The following HDAC11 variants were observed in gnomAD, a reference collection of about 807,000 sequenced individuals.
The protein encoded by HDAC11 is histone deacetylase 11.
A neutral mutation model predicts 41.1 loss-of-function variants in HDAC11; 23 were observed. That is an observed-to-expected ratio of 0.56 (90% CI 0.40 to 0.79). The LOEUF (loss-of-function observed/expected upper bound fraction) is 0.79. HDAC11 is among the 30% of genes least tolerant of loss of function. The probability of loss-of-function intolerance (pLI) is 0.00; values close to 1 mark genes in which losing one functional copy is unlikely to be tolerated. For synonymous variants in HDAC11, 187 were observed against 186.6 expected, an observed-to-expected ratio of 1.00 and a Z score of -0.02; for missense variants, 402 against 477.3, an observed-to-expected ratio of 0.84 and a Z score of 1.47.
chr3:13,504,877 T>A lies in HDAC11; in HGVS notation c.*194T>A. On this transcript the variant is annotated 3_prime_UTR_variant, in exon 10 of 10. Coordinates refer to ENST00000295757, the MANE Select transcript of HDAC11 (RefSeq NM_024827.4). ...CAGAAGGGCTTGAGGCCTCTATGGG[T>A]GGGGGCAGAAGGCAGAGCCTGTGTC... is the stretch of plus-strand genomic sequence containing the variant. 1.6e-6 allele frequency: 1 copy of A among 613,932 alleles called. No individual in the cohort carries two copies. The highest frequency in any genetic ancestry group is 2.8e-5 in the East Asian group (1 of 36,278). 38.0% of individuals were successfully genotyped at this position (613,932 alleles called of 1,614,324 possible).
intron 1 of HDAC11, 152 bp from the exon 2 acceptor site, chr3:13,481,093 GT>G: frequency 2.6e-6 from 2 of 783,840 alleles, no homozygotes; most frequent in Non-Finnish European, 2.0e-6. Context: ...AAGGCAGCCA[GT>G]TTAAGCAGCT....
At chr3:13,487,689 A>G (rs1701660155) in intron 3 of HDAC11, among the ~76,000 whole-genome samples, 1 of 152,092 alleles carries the variant, frequency 6.6e-6, no homozygotes, top group Non-Finnish European at 1.5e-5. Flanking sequence ...TGCACTCTGC[A>G]CTGGACAGTG....
intron 4 of HDAC11, 45 bp downstream of exon 4, chr3:13,496,897 C>G (rs781568603): frequency 7.3e-6 from 8 of 1,096,156 alleles, no homozygotes; most frequent in Non-Finnish European, 1.0e-5. Flanking sequence ...GCCCCCACAC[C>G]CCAGGGTCCT....
In HDAC11 at chr3:13,483,545, G is replaced by T; in HGVS notation, c.233G>T (p.Arg78Leu). The change falls in exon 3 of 10, where the codon CGC (arginine) becomes CTC (leucine). Residue 78 changes from arginine (R) to leucine (L), a missense_variant. Arg to Leu is a moderately radical substitution (Grantham distance 102). Coordinates refer to ENST00000295757, the MANE Select transcript of HDAC11 (RefSeq NM_024827.4). The stretch of plus-strand genomic sequence containing the variant: ...GACCTGCTGGTGGTGCACACGAGGC[G>T]CTATCTTAATGAGCTCAAGGTACAG... ...EEDLLVVHTRRYLNELKWSFA... is the reference protein window; with the variant it reads ...EEDLLVVHTRLYLNELKWSFA... 2.5e-6 allele frequency: 4 copies of T among 1,613,828 alleles called. No homozygotes were observed. The highest frequency in any genetic ancestry group is 3.4e-6 in the Non-Finnish European group (4 of 1,179,808).
chr3:13,494,893 T>TCCGG (rs201539563), intron 3 of HDAC11, among the ~76,000 whole-genome samples: 1,745 of 152,238 alleles, frequency 0.011, 31 homozygotes, highest in African/African-American at 0.039. Flanking sequence ...CTGCCTTTTG[T>TCCGG]CCGGCCCTGA....
chr3:13,482,022 C>T (rs577298958), intron 2 of HDAC11, among the ~76,000 whole-genome samples: 16 of 152,248 alleles, frequency 1.1e-4, no homozygotes, highest in African/African-American at 3.9e-4. Flanking sequence ...ACCTGTAGAC[C>T]GAACTGGGCA....
Position 13,480,325 on chromosome 3 carries a change from G to A in HDAC11, c.-23G>A. 8.1e-7 allele frequency: 1 copy of A among 1,228,744 alleles called. No individual in the cohort carries two copies. The highest frequency in any genetic ancestry group is 1.0e-6 in the Non-Finnish European group (1 of 985,884). The allele number at this position is 1,228,744 out of a possible 1,614,324, so 76.1% of individuals were successfully genotyped here. Reference sequence around the variant, plus strand: ...CCGCCCGGTCGCGGAGCTGCGGCCAGCTTTGGGAGGGCCGGCCCCGGGATG... The same window carrying A: ...CCGCCCGGTCGCGGAGCTGCGGCCAACTTTGGGAGGGCCGGCCCCGGGATG... On this transcript the variant is annotated 5_prime_UTR_variant, in exon 1 of 10. Coordinates refer to ENST00000295757, the MANE Select transcript of HDAC11 (RefSeq NM_024827.4). The surrounding 1 kb of genome is among the most constrained non-coding windows in gnomAD (Gnocchi z 4.6).
At chr3:13,498,305 C>T (rs915301472) in intron 4 of HDAC11, among the ~76,000 whole-genome samples, 4 of 152,210 alleles carry the variant, frequency 2.6e-5, no homozygotes, top group African/African-American at 9.6e-5. Context: ...ATGCACTGTA[C>T]ATCTCATATG....
rs946952350 is a variant in HDAC11 at position 13,489,313 on chromosome 3, G to A, written c.252+5749G>A. On this transcript the variant is annotated intron_variant, in intron 3 of 9. Transcript: ENST00000295757. ...CATTGCCAAACCCAAGGTCATGAAG[G>A]TTTACCGCATGTGTTTTCTTCTAAG... 2.0e-5 allele frequency among the ~76,000 whole-genome samples: 3 copies of A among 152,064 alleles called. No individual in the cohort carries two copies. In the South Asian group the frequency reaches 6.2e-4, roughly 31 times the overall value.
chr3:13,490,401 C>T (rs1471659576), intron 3 of HDAC11, among the ~76,000 whole-genome samples: 1 of 152,158 alleles, frequency 6.6e-6, no homozygotes, highest in Non-Finnish European at 1.5e-5. Flanking sequence ...GGGATTTTGA[C>T]AGGAATTGCA....
At chr3:13,496,684 G>A in intron 3 of HDAC11, 52 bp from the exon 4 acceptor site, 1 of 1,211,570 alleles carries the variant, frequency 8.3e-7, no homozygotes, top group Non-Finnish European at 1.2e-6. Flanking sequence ...TTTCTCACGG[G>A]TTGCCTCAGG....
In HDAC11 at chr3:13,483,532, G is replaced by A; in HGVS notation, c.220G>A (p.Val74Met). ...GGCCTCGGAGGAGGACCTGCTGGTG[G>A]TGCACACGAGGCGCTATCTTAATGA... Reference protein sequence around the residue: ...REASEEDLLVVHTRRYLNELK... With the variant: ...REASEEDLLVMHTRRYLNELK... Residue 74 changes from valine (V) to methionine (M), a missense_variant, in exon 3 of 10, where the codon GTG (valine) becomes ATG (methionine). Physicochemically the swap from Val to Met is conservative, Grantham distance 21. Transcript: ENST00000295757. 2 of 1,613,874 alleles carry A rather than the reference G, an allele frequency of 1.2e-6. No individual in the cohort carries two copies. The highest frequency in any genetic ancestry group is 1.7e-6 in the Non-Finnish European group (2 of 1,179,912).
At chr3:13,496,921 G>A (rs1030139588) in intron 4 of HDAC11, 69 bp downstream of exon 4, 5 of 699,542 alleles carry the variant, frequency 7.1e-6, no homozygotes, top group African/African-American at 3.7e-5. Context: ...CACCTCCTTT[G>A]CCCTGGAATG....
At chr3:13,486,082 A>C (rs1400623162) in intron 3 of HDAC11, among the ~76,000 whole-genome samples, 1 of 152,046 alleles carries the variant, frequency 6.6e-6, no homozygotes, top group Non-Finnish European at 1.5e-5. Flanking sequence ...AGCCTGGCCA[A>C]CATGGAGAAA....
chr3:13,485,102 T>A (rs564008755), intron 3 of HDAC11, among the ~76,000 whole-genome samples: 1 of 152,222 alleles, frequency 6.6e-6, no homozygotes, highest in Non-Finnish European at 1.5e-5. Context: ...CAAGGTCACC[T>A]GGGAAGTTGG....
Position 13,502,907 on chromosome 3 carries a change from C to T in HDAC11, c.576C>T (p.Phe192=), listed in dbSNP as rs1220798599. 4 of 1,613,556 alleles carry T rather than the reference C, an allele frequency of 2.5e-6. No individual in the cohort carries two copies. Among genetic ancestry groups the T allele is most frequent in the East Asian group, 2.2e-5 (1 of 44,870 alleles). The change falls in exon 8 of 10, where the codon TTC becomes TTT. Residue 192 remains phenylalanine (F), a synonymous_variant. Coordinates refer to ENST00000295757, the MANE Select transcript of HDAC11 (RefSeq NM_024827.4). The surrounding 1 kb of genome is among the most constrained non-coding windows in gnomAD (Gnocchi z 4.1). ...AGGGCAATGGGCATGAGCGAGACTT[C>T]ATGGACGACAAGCGTGTGTACATCA... The part of the protein sequence containing the change: ...AHQGNGHERD[F]MDDKRVYIMD...
At chr3:13,501,805 A>T in intron 6 of HDAC11, 66 bp from the exon 7 acceptor site, 1 of 1,448,916 alleles carries the variant, frequency 6.9e-7, no homozygotes, top group Non-Finnish European at 9.7e-7. Context: ...GCCAGCTGGG[A>T]GTTGCTGTAG....
rs769530537 is a variant in HDAC11 at position 13,482,274 on chromosome 3, A to G, written c.151+880A>G. On this transcript the variant is annotated intron_variant, in intron 2 of 9. Transcript: ENST00000295757. ...ACTTAAACTTGTTTTAAAAGGAAAC[A>G]TTATGTCATCAAAATGGGAAAAGGC... Among the ~76,000 whole-genome samples the G allele has an allele frequency of 3.6e-4, 55 of 152,266 alleles. 1 individual carries two copies. Among genetic ancestry groups the G allele is most frequent in the Non-Finnish European group, 1.5e-4 (10 of 68,044 alleles).
intron 3 of HDAC11, among the ~76,000 whole-genome samples, chr3:13,489,320 G>A (rs973322189): frequency 2.0e-5 from 3 of 152,018 alleles, no homozygotes; most frequent in Non-Finnish European, 2.9e-5. Context: ...AAGGTTTACC[G>A]CATGTGTTTT....
Sources: allele counts gnomAD v4.1 joint callset (sites outside exome capture counted in the v4.1 genomes callset), GRCh38; gene constraint gnomAD v4.1.1; non-coding constraint Gnocchi (gnomAD v3.1); transcripts MANE v1.5; gene names NCBI Gene and HGNC (gene_info 2026-07-23, HGNC 2026-07-21).